Variants in PDE7A observed in about 807,000 individuals in gnomAD.
PDE7A encodes high affinity 3',5'-cyclic-AMP phosphodiesterase 7A.
PDE7A carries 39 observed loss-of-function variants against 64.3 expected under a neutral mutation model. That is an observed-to-expected ratio of 0.61 (90% confidence interval 0.47 to 0.79). PDE7A has a LOEUF of 0.79. Ranked by LOEUF, PDE7A falls within the 30% of genes least tolerant of loss-of-function variation. PDE7A has a pLI of 0.00. For missense variants in PDE7A, 470 were observed against 582.8 expected, an observed-to-expected ratio of 0.81 and a Z score of 1.99; for synonymous variants, 203 against 206.8, an observed-to-expected ratio of 0.98 and a Z score of 0.16.
At chr8:65,756,132 T>C (rs759879545) in intron 3 of PDE7A, among the ~76,000 whole-genome samples, 1 of 152,266 alleles carries the variant, frequency 6.6e-6, no homozygotes, top group Non-Finnish European at 1.5e-5. Context: ...AAATCAGCTA[T>C]TAATCTTATT....
chr8:65,765,821 A>C (rs909418576), intron 3 of PDE7A: 4 of 152,362 alleles, frequency 2.6e-5, no homozygotes, highest in Middle Eastern at 3.4e-3. Flanking sequence ...GGGCATGCAT[A>C]ATGGGATTAT....
chr8:65,753,908 G>A (rs1308367884), intron 3 of PDE7A, among the ~76,000 whole-genome samples: 3 of 151,822 alleles, frequency 2.0e-5, no homozygotes. Context: ...AACTTAAAGT[G>A]TATACTGTCT....
intron 3 of PDE7A, among the ~76,000 whole-genome samples, chr8:65,752,251 A>G (rs1808004531): frequency 6.6e-6 from 1 of 152,160 alleles, no homozygotes; most frequent in African/African-American, 2.4e-5. Flanking sequence ...GCTTAGCTGT[A>G]GAAACTGAAT....
intron 3 of PDE7A, among the ~76,000 whole-genome samples, chr8:65,758,982 C>T (rs1031138397): frequency 1.3e-5 from 2 of 152,134 alleles, no homozygotes; most frequent in Non-Finnish European, 2.9e-5. Context: ...ACTGTTCTTA[C>T]CGTCATTATG....
At chr8:65,723,750 G>A (rs968472201) in intron 11 of PDE7A, 129 bp from the exon 12 acceptor site, 28 of 562,370 alleles carry the variant, frequency 5.0e-5, no homozygotes, top group South Asian at 2.0e-4. Flanking sequence ...GGACAGCTTC[G>A]CAATTAGTTC....
At chr8:65,745,563 GTGAT>G in intron 4 of PDE7A, 93 bp from the exon 5 acceptor site, 1 of 704,498 alleles carries the variant, frequency 1.4e-6, no homozygotes, top group South Asian at 1.8e-5. Flanking sequence ...AAAATGTAAA[GTGAT>G]TGATTTACTT....
intron 6 of PDE7A, among the ~76,000 whole-genome samples, chr8:65,738,413 G>C (rs1448111703): frequency 6.6e-6 from 1 of 152,134 alleles, no homozygotes; most frequent in African/African-American, 2.4e-5. Flanking sequence ...GACTTTCTCA[G>C]AAGTTCTCCT....
intron 1 of PDE7A, among the ~76,000 whole-genome samples, chr8:65,823,839 AC>A (rs1195684876): frequency 4.6e-5 from 7 of 152,210 alleles, no homozygotes; most frequent in African/African-American, 1.7e-4. Context: ...TTACATCATT[AC>A]AGCAACTAAA....
chr8:65,754,793 C>T (rs1363786120), intron 3 of PDE7A, among the ~76,000 whole-genome samples: 4 of 149,400 alleles, frequency 2.7e-5, no homozygotes, highest in African/African-American at 4.9e-5. Context: ...GATGAAGCCC[C>T]GTCTCTACTA....
intron 9 of PDE7A, 87 bp downstream of exon 9, chr8:65,726,783 GAACAT>G: frequency 2.9e-6 from 2 of 697,864 alleles, no homozygotes; most frequent in Non-Finnish European, 5.1e-6. Context: ...TGGAACACCT[GAACAT>G]AACAATTTTT....
At chr8:65,817,044 T>C (rs1317928092) in intron 1 of PDE7A, among the ~76,000 whole-genome samples, 2 of 152,224 alleles carry the variant, frequency 1.3e-5, no homozygotes, top group Non-Finnish European at 1.5e-5. Context: ...TAATTTCTAC[T>C]GGTCTGTTGT....
intron 1 of PDE7A, among the ~76,000 whole-genome samples, chr8:65,803,014 C>G (rs2128928376): frequency 6.6e-6 from 1 of 152,330 alleles, no homozygotes; most frequent in South Asian, 2.1e-4. Context: ...TGCCTTCTGC[C>G]ATGATTGAAA....
intron 1 of PDE7A, among the ~76,000 whole-genome samples, chr8:65,805,172 C>G (rs1239210388): frequency 6.6e-6 from 1 of 152,120 alleles, no homozygotes; most frequent in East Asian, 1.9e-4. Flanking sequence ...ATTGTATGAA[C>G]AGTTAAGAAT....
In PDE7A at chr8:65,716,583, C is replaced by G. The variant is rs1806153192; in HGVS notation, c.*2707G>C. On this transcript the variant is annotated 3_prime_UTR_variant, in exon 13 of 13. Transcript: ENST00000401827. ...TGCACGAGGCAACTTGCTTCCCTTG[C>G]TCAGAATCCATGCTCACCAGCTGCT... is the stretch of plus-strand genomic sequence containing the variant. Among the ~76,000 whole-genome samples the G allele has an allele frequency of 6.6e-6, 1 of 152,162 alleles. No homozygotes were observed. Among genetic ancestry groups the G allele is most frequent in the Admixed American group, 6.5e-5 (1 of 15,280 alleles).
intron 1 of PDE7A, among the ~76,000 whole-genome samples, chr8:65,810,587 T>C (rs988593785): frequency 1.3e-5 from 2 of 152,230 alleles, no homozygotes; most frequent in South Asian, 4.1e-4. Context: ...AAAAGAACAA[T>C]ATATTTTAAC....
chr8:65,745,622 A>T (rs1375784924), intron 4 of PDE7A, 152 bp from the exon 5 acceptor site: 2 of 592,776 alleles, frequency 3.4e-6, no homozygotes, highest in Admixed American at 3.2e-5. Flanking sequence ...GACTTTTTCA[A>T]CTGGCTCCAA....
chr8:65,828,442 A>G (rs1215414919), intron 1 of PDE7A, among the ~76,000 whole-genome samples: 1 of 152,172 alleles, frequency 6.6e-6, no homozygotes, highest in African/African-American at 2.4e-5. Flanking sequence ...TATTGGATAC[A>G]GAGTTTTCTG....
intron 1 of PDE7A, among the ~76,000 whole-genome samples, chr8:65,809,997 GTA>G (rs1810213339): frequency 6.6e-6 from 1 of 152,092 alleles, no homozygotes; most frequent in African/African-American, 2.4e-5. Context: ...TCATTACTGG[GTA>G]TATACCCCAA....
chr8:65,800,045 A>G lies in PDE7A; in HGVS notation c.139-17202T>C, dbSNP rs573202272. 1.6e-4 allele frequency among the ~76,000 whole-genome samples: 25 copies of G among 152,266 alleles called. 1 individual carries two copies. In the South Asian group the frequency reaches 3.5e-3, roughly 21 times the overall value. ...CTACTAACTAGAACAAGAAGGTAAT[A>G]GTAGCCTAAAACAACAGCCAAAGAA... is the stretch of plus-strand genomic sequence containing the variant. On this transcript the variant is annotated intron_variant, in intron 1 of 12. Transcript: ENST00000401827.
Sources: gnomAD v4.1 joint callset for allele counts (sites outside exome capture counted in the v4.1 genomes callset) on GRCh38, gnomAD v4.1.1 for gene constraint, MANE v1.5 for transcripts, NCBI Gene and HGNC (gene_info 2026-07-23, HGNC 2026-07-21) for gene names.